NAV3: variants seen among roughly 807,000 people sequenced by gnomAD.
NAV3 encodes the protein pore membrane and/or filament interacting like protein 1.
Under a neutral mutation model 244.7 loss-of-function variants are expected in NAV3, and 87 were observed. The observed-to-expected ratio is 0.36, with a 90% confidence interval of 0.30 to 0.42. The LOEUF is 0.42. NAV3 is among the 20% of genes least tolerant of loss of function. The probability of loss-of-function intolerance (pLI) is 1.00; values close to 1 mark genes in which losing one functional copy is unlikely to be tolerated. For synonymous variants in NAV3, 1,126 were observed against 1,042.2 expected, an observed-to-expected ratio of 1.08 and a Z score of -1.55; for missense variants, 2,663 against 2,893.3, an observed-to-expected ratio of 0.92 and a Z score of 1.83.
At chr12:77,620,532 G>A (rs1198234485) in intron 2 of NAV3, among the ~76,000 whole-genome samples, 2 of 151,280 alleles carry the variant, frequency 1.3e-5, no homozygotes, top group Non-Finnish European at 2.9e-5. Flanking sequence ...GTGCGATCTC[G>A]GCTCACTGCA....
Position 77,593,276 on chromosome 12 carries a change from GTGTC to G in NAV3, c.72+21014_72+21017del, listed in dbSNP as rs1221037557. Among the ~76,000 whole-genome samples, 6 of 14,430 alleles carry G rather than the reference GTGTC, an allele frequency of 4.2e-4. No homozygotes were observed. The South Asian group carries it at 0.022, about 52-fold the overall frequency. 9.5% of individuals were successfully genotyped at this position (14,430 alleles called of 152,430 possible). ...TATATATGTATGAGTGTGTGTATGTGTGTCTGTGTGTGTGTGTGTGTGTGTGTAT... is the reference window on the plus strand; with the variant it reads ...TATATATGTATGAGTGTGTGTATGTGTGTGTGTGTGTGTGTGTGTGTGTAT... On this transcript the variant is annotated intron_variant, in intron 2 of 8. Coordinates refer to the NAV3 transcript ENST00000550042.
intron 2 of NAV3, among the ~76,000 whole-genome samples, chr12:77,698,856 A>G (rs559107662): frequency 7.2e-5 from 11 of 152,190 alleles, no homozygotes; most frequent in African/African-American, 2.6e-4. Flanking sequence ...CTATCCATCA[A>G]CCCTATCAGG....
At chr12:77,796,203 G>A (rs1398677823) in intron 2 of NAV3, among the ~76,000 whole-genome samples, 1 of 152,082 alleles carries the variant, frequency 6.6e-6, no homozygotes, top group Admixed American at 6.6e-5. Flanking sequence ...TATGATTCAT[G>A]GGAGGAGGTT....
At chr12:78,075,798 T>G (rs145728957) in intron 12 of NAV3, among the ~76,000 whole-genome samples, 2 of 152,294 alleles carry the variant, frequency 1.3e-5, no homozygotes, top group African/African-American at 4.8e-5. Context: ...CTGCCATTGA[T>G]CTATTAATTA....
At chr12:77,976,967 A>G (rs1868558343) in intron 5 of NAV3, among the ~76,000 whole-genome samples, 1 of 151,178 alleles carries the variant, frequency 6.6e-6, no homozygotes. Flanking sequence ...GAGCCACCAC[A>G]CCCGGCCTGT....
chr12:78,184,384 A>G (rs1259374759), intron 30 of NAV3, among the ~76,000 whole-genome samples: 3 of 151,870 alleles, frequency 2.0e-5, no homozygotes, highest in Non-Finnish European at 4.4e-5. Context: ...AATTAAAATG[A>G]CACTTAAGGA....
chr12:77,783,872 C>T (rs1169141050), intron 2 of NAV3, among the ~76,000 whole-genome samples: 1 of 151,958 alleles, frequency 6.6e-6, no homozygotes, highest in Non-Finnish European at 1.5e-5. Flanking sequence ...TCATGCAGGG[C>T]TTAATTTCTA....
chr12:78,113,043 C>T (rs1367164310), intron 12 of NAV3, among the ~76,000 whole-genome samples: 2 of 152,186 alleles, frequency 1.3e-5, no homozygotes, highest in Non-Finnish European at 2.9e-5. Context: ...ATTGTTAAAC[C>T]TTAAAGTTTC....
intron 2 of NAV3, among the ~76,000 whole-genome samples, chr12:77,708,366 G>A (rs1875937415): frequency 6.6e-6 from 1 of 152,134 alleles, no homozygotes; most frequent in Admixed American, 6.5e-5. Flanking sequence ...TCAGATGGTT[G>A]TAGATGTGTG....
rs551610034 is a variant in NAV3, at chr12:77,746,201, G to A, written c.72+173935G>A. On this transcript the variant is annotated intron_variant, in intron 2 of 8. Transcript: ENST00000550042. ...CAGGAGTTGGCAAACATTTTCTCAC[G>A]GGGATAGATAGTAAATATATTTGGC... Among the ~76,000 whole-genome samples the A allele has an allele frequency of 1.3e-3, 200 of 152,120 alleles. No homozygotes were observed. In the Middle Eastern group the frequency reaches 0.017, roughly 13 times the overall value.
At chr12:78,139,797 A>G (rs1667080) in intron 19 of NAV3, among the ~76,000 whole-genome samples, 8,074 of 152,266 alleles carry the variant, frequency 0.053, 276 homozygotes, top group Non-Finnish European at 0.072. Context: ...GAGTATGATC[A>G]ACGCATCACA....
At chr12:77,806,754 T>C (rs527868043) in intron 2 of NAV3, among the ~76,000 whole-genome samples, 9 of 152,222 alleles carry the variant, frequency 5.9e-5, no homozygotes, top group Non-Finnish European at 8.8e-5. Flanking sequence ...CTGTCTCATA[T>C]TGACAGTGGG....
intron 2 of NAV3, among the ~76,000 whole-genome samples, chr12:77,778,260 T>G (rs1014920782): frequency 4.8e-5 from 7 of 146,230 alleles, no homozygotes; most frequent in African/African-American, 1.8e-4. Flanking sequence ...CCCCCCGTCC[T>G]TGCTTCCTTT....
intron 1 of NAV3, among the ~76,000 whole-genome samples, chr12:77,832,302 T>C (rs552636169): frequency 3.9e-5 from 6 of 152,340 alleles, no homozygotes; most frequent in East Asian, 1.9e-4. Flanking sequence ...TTTTCAGTCA[T>C]TTAATTTATG....
At chr12:77,696,404 A>G (rs1478747036) in intron 2 of NAV3, among the ~76,000 whole-genome samples, 1 of 152,174 alleles carries the variant, frequency 6.6e-6, no homozygotes, top group Non-Finnish European at 1.5e-5. Context: ...ACAGCCAGGA[A>G]GGAACAAGGC....
chr12:78,157,252 GA>G (rs1957341276), intron 22 of NAV3, among the ~76,000 whole-genome samples: 1 of 151,984 alleles, frequency 6.6e-6, no homozygotes, highest in Admixed American at 6.6e-5. Context: ...TTCCACAGTT[GA>G]AAAGGTAAAG....
intron 2 of NAV3, among the ~76,000 whole-genome samples, chr12:77,660,681 A>G (rs926153077): frequency 6.6e-6 from 1 of 152,190 alleles, no homozygotes; most frequent in Admixed American, 6.5e-5. Context: ...GTATATATGT[A>G]TACCATTACT....
chr12:78,136,138 A>T (rs1956363502), intron 18 of NAV3, among the ~76,000 whole-genome samples: 1 of 152,158 alleles, frequency 6.6e-6, no homozygotes, highest in African/African-American at 2.4e-5. Context: ...GTCACAGAAA[A>T]AATCTTAGTA....
chr12:77,588,605 C>T (rs1285462307), intron 2 of NAV3, among the ~76,000 whole-genome samples: 1 of 152,072 alleles, frequency 6.6e-6, no homozygotes, highest in Non-Finnish European at 1.5e-5. Flanking sequence ...AAGTCCCAGG[C>T]CCTAAGCATC....
Sources: allele counts gnomAD v4.1 joint callset (sites outside exome capture counted in the v4.1 genomes callset), GRCh38; gene constraint gnomAD v4.1.1; transcripts MANE v1.5; gene names NCBI Gene and HGNC (gene_info 2026-07-23, HGNC 2026-07-21).